The following SLC39A11 variants were observed in gnomAD, a reference collection of about 807,000 sequenced individuals.
The protein encoded by SLC39A11 is zinc transporter ZIP11.
A neutral mutation model predicts 36.1 loss-of-function variants in SLC39A11; 33 were observed. The observed-to-expected ratio is 0.91, with a 90% CI of 0.69 to 1.22. The LOEUF is 1.22. Among genes scored for constraint, SLC39A11 ranks in the 50% most tolerant of loss-of-function variants. The probability of loss-of-function intolerance (pLI) is 0.00; values close to 1 mark genes in which losing one functional copy is unlikely to be tolerated. For synonymous variants in SLC39A11, 166 were observed against 170.3 expected (o/e 0.97, Z 0.20); for missense variants, 432 against 430.3 (o/e 1.00, Z -0.03).
At chr17:72,935,716 G>T (rs1002580770) in intron 5 of SLC39A11, among the ~76,000 whole-genome samples, 1 of 152,112 alleles carries the variant, frequency 6.6e-6, no homozygotes, top group Non-Finnish European at 1.5e-5. Context: ...CTGAGTAGCT[G>T]GGATTACAGG....
intron 6 of SLC39A11, among the ~76,000 whole-genome samples, chr17:72,791,664 G>T (rs929223774): frequency 1.3e-5 from 2 of 152,136 alleles, no homozygotes; most frequent in African/African-American, 4.8e-5. Flanking sequence ...ATCTTGAATT[G>T]TAATCCCCAT....
chr17:72,732,392 G>C (rs2143882209), intron 7 of SLC39A11, among the ~76,000 whole-genome samples: 1 of 152,222 alleles, frequency 6.6e-6, no homozygotes, highest in East Asian at 1.9e-4. Flanking sequence ...GATTTCACTA[G>C]TTCTTCCCTA....
At chr17:72,902,242 G>C (rs1332227054) in intron 5 of SLC39A11, among the ~76,000 whole-genome samples, 2 of 151,444 alleles carry the variant, frequency 1.3e-5, no homozygotes, top group Non-Finnish European at 2.9e-5. Context: ...TTGCACTCCA[G>C]CCTGGGTAAT....
At chr17:73,076,082 T>C (rs538919794) in intron 3 of SLC39A11, among the ~76,000 whole-genome samples, 8 of 152,174 alleles carry the variant, frequency 5.3e-5, no homozygotes, top group Non-Finnish European at 7.4e-5. Context: ...CTTTAAGTTA[T>C]ATTACTCTAG....
intron 6 of SLC39A11, among the ~76,000 whole-genome samples, chr17:72,806,876 C>T (rs993069487): frequency 1.8e-4 from 28 of 152,224 alleles, no homozygotes; most frequent in African/African-American, 6.5e-4. Context: ...AGCCACCGTG[C>T]TCAGCCTCAC....
intron 3 of SLC39A11, among the ~76,000 whole-genome samples, chr17:73,032,207 CTT>C (rs72229478): frequency 6.3e-5 from 9 of 142,872 alleles, no homozygotes; most frequent in Admixed American, 2.1e-4. Flanking sequence ...AATTCCTATT[CTT>C]TTTTTTTTTT....
chr17:72,888,026 A>G (rs546953495), intron 5 of SLC39A11, among the ~76,000 whole-genome samples: 9 of 152,366 alleles, frequency 5.9e-5, no homozygotes, highest in African/African-American at 1.9e-4. Flanking sequence ...CATTATTTCT[A>G]AAAACAAAAC....
intron 7 of SLC39A11, among the ~76,000 whole-genome samples, chr17:72,673,561 T>C (rs1298856970): frequency 6.6e-6 from 1 of 152,228 alleles, no homozygotes; most frequent in Admixed American, 6.5e-5. Context: ...GCACAGTTTT[T>C]TTTTTCTTTT....
At chr17:73,066,889 T>C (rs889652263) in intron 3 of SLC39A11, among the ~76,000 whole-genome samples, 3 of 152,250 alleles carry the variant, frequency 2.0e-5, no homozygotes, top group African/African-American at 4.8e-5. Context: ...TTAGGTTTTC[T>C]ATCATTCATG....
At chr17:72,750,121 C>T (rs1456306916) in intron 6 of SLC39A11, among the ~76,000 whole-genome samples, 1 of 152,142 alleles carries the variant, frequency 6.6e-6, no homozygotes, top group Non-Finnish European at 1.5e-5. Context: ...TGGGTGGCGC[C>T]CATTCTGTGC....
chr17:72,736,370 A>G (rs2074429856), intron 7 of SLC39A11, among the ~76,000 whole-genome samples: 1 of 152,236 alleles, frequency 6.6e-6, no homozygotes, highest in Admixed American at 6.5e-5. Flanking sequence ...ATTAGTCTTC[A>G]CACCTTTGAA....
chr17:72,842,511 A>G (rs532648949), intron 6 of SLC39A11, among the ~76,000 whole-genome samples: 36 of 152,338 alleles, frequency 2.4e-4, no homozygotes, highest in African/African-American at 8.7e-4. Flanking sequence ...GGTACTCATG[A>G]TAAGTGATTA....
chr17:72,775,174 T>C (rs1246858103), intron 6 of SLC39A11, among the ~76,000 whole-genome samples: 1 of 152,046 alleles, frequency 6.6e-6, no homozygotes, highest in Non-Finnish European at 1.5e-5. Context: ...TCAGCTAACG[T>C]ATCACCTTCT....
intron 3 of SLC39A11, chr17:73,067,980 C>A: frequency 6.3e-7 from 1 of 1,592,770 alleles, no homozygotes; most frequent in Non-Finnish European, 8.6e-7. Context: ...GACTGATTCA[C>A]ATAAATAAAC....
chr17:72,682,813 C>G (rs530925225), intron 7 of SLC39A11, among the ~76,000 whole-genome samples: 1 of 152,296 alleles, frequency 6.6e-6, no homozygotes, highest in South Asian at 2.1e-4. Context: ...TCTTATCAGT[C>G]CTTTATTTAT....
intron 4 of SLC39A11, among the ~76,000 whole-genome samples, chr17:72,978,546 T>C (rs2088038649): frequency 6.6e-6 from 1 of 151,958 alleles, no homozygotes; most frequent in Non-Finnish European, 1.5e-5. Flanking sequence ...GCACAGAGCT[T>C]CGGGAACTCT....
At chr17:72,654,265 A>AT (rs1444745829) in intron 7 of SLC39A11, among the ~76,000 whole-genome samples, 3 of 152,074 alleles carry the variant, frequency 2.0e-5, no homozygotes, top group Non-Finnish European at 4.4e-5. Context: ...ATAGGATCGG[A>AT]GTTAATGGCC....
At chr17:72,811,761 T>C (rs1336528780) in intron 6 of SLC39A11, among the ~76,000 whole-genome samples, 3 of 152,232 alleles carry the variant, frequency 2.0e-5, no homozygotes, top group Non-Finnish European at 4.4e-5. Flanking sequence ...AACAAAAATA[T>C]TCTCTTTCCT....
At chr17:72,748,917 G>A (rs950933501) in intron 6 of SLC39A11, among the ~76,000 whole-genome samples, 11 of 152,314 alleles carry the variant, frequency 7.2e-5, no homozygotes, top group South Asian at 2.1e-4. Context: ...GACCAAGTAC[G>A]GGAGAGGGGC....
Sources: allele counts gnomAD v4.1 joint callset (sites outside exome capture counted in the v4.1 genomes callset), GRCh38; gene constraint gnomAD v4.1.1; transcripts MANE v1.5; gene names NCBI Gene and HGNC (gene_info 2026-07-23, HGNC 2026-07-21).